Variants in IL1RAPL1 observed in about 807,000 individuals in gnomAD.
IL1RAPL1 encodes interleukin 1 receptor accessory protein like 1, also known as interleukin-1 receptor accessory protein-like 1.
Under a neutral mutation model 48.4 loss-of-function variants are expected in IL1RAPL1, and 3 were observed. The ratio of observed to expected loss-of-function variants is 0.06; its 90% CI spans 0.03 to 0.16. IL1RAPL1 has a LOEUF of 0.16. IL1RAPL1 is among the 10% of genes least tolerant of loss of function. IL1RAPL1 has a pLI of 1.00. For synonymous variants in IL1RAPL1, 185 were observed against 187.7 expected (o/e 0.99, Z 0.12); for missense variants, 349 against 530.6 (o/e 0.66, Z 3.36).
At chrX:28,662,173 A>G (rs1218667691) in intron 1 of IL1RAPL1, among the ~76,000 whole-genome samples, 1 of 110,516 alleles carries the variant, frequency 9.0e-6, no homozygotes, top group East Asian at 2.9e-4. Context: ...TTACCAACCA[A>G]TTTGGAAAGA....
intron 6 of IL1RAPL1, among the ~76,000 whole-genome samples, chrX:29,689,204 C>T (rs1040861739): frequency 7.2e-5 from 8 of 111,466 alleles, no homozygotes; most frequent in Non-Finnish European, 1.1e-4. Flanking sequence ...TATCTTTCTC[C>T]GTTAGTAGAC....
chrX:29,321,584 AT>A (rs2147625777), intron 3 of IL1RAPL1, among the ~76,000 whole-genome samples: 1 of 111,808 alleles, frequency 8.9e-6, no homozygotes, highest in African/African-American at 3.2e-5. Context: ...GCACAGTGAT[AT>A]TTTGTTTTAG....
At chrX:28,752,686 G>C (rs1936057947) in intron 1 of IL1RAPL1, among the ~76,000 whole-genome samples, 1 of 112,341 alleles carries the variant, frequency 8.9e-6, no homozygotes, top group Non-Finnish European at 1.9e-5. Context: ...TCTGGTACAA[G>C]GTTTGGGAAA....
At chrX:28,815,855 A>G (rs199549312) in intron 2 of IL1RAPL1, among the ~76,000 whole-genome samples, 1,703 of 66,129 alleles carry the variant, frequency 0.026, 93 homozygotes, top group African/African-American at 0.079. Context: ...ATATATATAT[A>G]TATATATATA....
At chrX:28,677,942 G>T (rs1390545807) in intron 1 of IL1RAPL1, among the ~76,000 whole-genome samples, 1 of 111,059 alleles carries the variant, frequency 9.0e-6, no homozygotes, top group Non-Finnish European at 1.9e-5. Flanking sequence ...TCATGTTGCA[G>T]CCTCTACCAC....
intron 6 of IL1RAPL1, among the ~76,000 whole-genome samples, chrX:29,801,016 A>AG (rs756589707): frequency 2.8e-5 from 1 of 35,684 alleles, no homozygotes; most frequent in Non-Finnish European, 4.5e-5. Flanking sequence ...AAAAAAAAAA[A>AG]AAAAAAAAAA....
chrX:28,667,315 G>A lies in IL1RAPL1; in HGVS notation c.-25+79268G>A, dbSNP rs1036222022. ...AATAGGTCACAAACTGGGTCTGCCT[G>A]AATCTTAAGTATAAATTTCATGTTT... On this transcript the variant is annotated intron_variant, in intron 1 of 10. Coordinates refer to ENST00000378993, the MANE Select transcript of IL1RAPL1 (RefSeq NM_014271.4). 7.1e-5 allele frequency among the ~76,000 whole-genome samples: 8 copies of A among 112,243 alleles called. 1 individual carries two copies. In the Admixed American group the frequency reaches 7.6e-4, roughly 11 times the overall value.
chrX:29,246,406 C>G (rs1347635606), intron 2 of IL1RAPL1, among the ~76,000 whole-genome samples: 1 of 110,020 alleles, frequency 9.1e-6, no homozygotes, highest in African/African-American at 3.3e-5. Flanking sequence ...AGCTGATCTA[C>G]CTCTCATCAT....
chrX:28,706,490 G>A (rs1045938182), intron 1 of IL1RAPL1, among the ~76,000 whole-genome samples: 5 of 107,922 alleles, frequency 4.6e-5, no homozygotes, highest in African/African-American at 1.7e-4. Context: ...TCGGCTCACT[G>A]CAACCTCTGC....
chrX:29,626,474 T>G (rs1924618069), intron 5 of IL1RAPL1, among the ~76,000 whole-genome samples: 1 of 112,097 alleles, frequency 8.9e-6, no homozygotes, highest in South Asian at 3.7e-4. Flanking sequence ...GCTCATTACA[T>G]AAGCTGAATT....
At chrX:29,651,121 G>T (rs1362729443) in intron 5 of IL1RAPL1, among the ~76,000 whole-genome samples, 15 of 107,414 alleles carry the variant, frequency 1.4e-4, no homozygotes, top group Non-Finnish European at 2.5e-4. Flanking sequence ...AAAAAAAAAA[G>T]ATAAGTTTTG....
intron 3 of IL1RAPL1, among the ~76,000 whole-genome samples, chrX:29,382,184 G>A (rs144582441): frequency 0.017 from 1,884 of 110,974 alleles, 44 homozygotes; most frequent in African/African-American, 0.058. Context: ...TATTCTTCAC[G>A]TGCATATGAA....
intron 6 of IL1RAPL1, among the ~76,000 whole-genome samples, chrX:29,783,207 C>T (rs990306066): frequency 2.7e-5 from 3 of 110,144 alleles, no homozygotes; most frequent in Non-Finnish European, 5.7e-5. Context: ...CCCGGCCGAT[C>T]GTGACATTTT....
At chrX:29,328,596 G>A in intron 3 of IL1RAPL1, among the ~76,000 whole-genome samples, 1 of 108,270 alleles carries the variant, frequency 9.2e-6, no homozygotes, top group East Asian at 2.9e-4. Flanking sequence ...ATCTCAATGA[G>A]TAGTTTAGAC....
intron 2 of IL1RAPL1, among the ~76,000 whole-genome samples, chrX:29,132,412 A>G (rs906499072): frequency 4.3e-4 from 48 of 112,085 alleles, no homozygotes; most frequent in African/African-American, 1.4e-3. Context: ...ATGTTTAGAT[A>G]CACAAATAAT....
chrX:29,226,432 T>TTTTC (rs1201269743), intron 2 of IL1RAPL1, among the ~76,000 whole-genome samples: 3 of 97,844 alleles, frequency 3.1e-5, no homozygotes, highest in Admixed American at 1.1e-4. Flanking sequence ...TTCATCATTT[T>TTTTC]TTTCTTTCTT....
chrX:29,902,405 A>G (rs975418630), intron 6 of IL1RAPL1, among the ~76,000 whole-genome samples: 6 of 110,795 alleles, frequency 5.4e-5, no homozygotes, highest in African/African-American at 1.6e-4. Flanking sequence ...ACTACCCAGC[A>G]CAATGTGGTA....
At chrX:28,964,258 T>G (rs1924863595) in intron 2 of IL1RAPL1, among the ~76,000 whole-genome samples, 1 of 111,816 alleles carries the variant, frequency 8.9e-6, no homozygotes. Context: ...GCCTATCCAC[T>G]TTTAACATAA....
chrX:29,940,161 T>C (rs12006984), intron 8 of IL1RAPL1, among the ~76,000 whole-genome samples: 31,056 of 110,260 alleles, frequency 0.28, 4,254 homozygotes, highest in African/African-American at 0.53. Flanking sequence ...CCGTGCCCAG[T>C]CTGAGGACTT....
Sources: allele counts gnomAD v4.1 joint callset (sites outside exome capture counted in the v4.1 genomes callset), GRCh38; gene constraint gnomAD v4.1.1; transcripts MANE v1.5; gene names NCBI Gene and HGNC (gene_info 2026-07-23, HGNC 2026-07-21).